SYN3: variants seen among roughly 807,000 people sequenced by gnomAD.
SYN3 encodes the protein synapsin-3.
A neutral mutation model predicts 65.8 loss-of-function variants in SYN3; 35 were observed. That is an observed-to-expected ratio of 0.53 (90% confidence interval 0.41 to 0.70). SYN3 has a LOEUF of 0.70. SYN3 is among the 30% of genes least tolerant of loss of function. SYN3 has a pLI of 0.00. For missense variants in SYN3, 680 were observed against 749.0 expected (o/e 0.91, Z 1.08); for synonymous variants, 270 against 292.9 (o/e 0.92, Z 0.80).
rs969439515 is a variant in SYN3, at chr22:33,007,973, A to T, written c.-162-1149T>A. 4.6e-5 allele frequency among the ~76,000 whole-genome samples: 7 copies of T among 150,966 alleles called. 1 individual carries two copies. The highest frequency in any genetic ancestry group is 3.9e-4 in the East Asian group (2 of 5,168). The stretch of plus-strand genomic sequence containing the variant: ...TTTTTTTGAAACGGGGTCTCACTTC[A>T]TCACCCAGCCTGGAGTGCAGTGGCA... On this transcript the variant is annotated intron_variant, in intron 1 of 13. Transcript: ENST00000358763.
intron 6 of SYN3, among the ~76,000 whole-genome samples, chr22:32,624,901 C>T: frequency 6.6e-6 from 1 of 152,210 alleles, no homozygotes; most frequent in Non-Finnish European, 1.5e-5. Flanking sequence ...AAGAGGATGT[C>T]ACTTGCTCAA....
chr22:32,951,106 T>A lies in SYN3; in HGVS notation c.370-19625A>T, dbSNP rs73162012. Among the ~76,000 whole-genome samples the A allele has an allele frequency of 7.0e-3, 1,063 of 152,266 alleles. 9 individuals are homozygous for A. The highest frequency in any genetic ancestry group is 0.035 in the South Asian group (167 of 4,816). On this transcript the variant is annotated intron_variant, in intron 3 of 13. Coordinates refer to ENST00000358763, the MANE Select transcript of SYN3 (RefSeq NM_003490.4). ...GCCAAAGACACTCATTCAAAAAGGA[T>A]AAACAATAGCAGTGATAATAAAAAG... is the stretch of plus-strand genomic sequence containing the variant.
rs561258876 is a variant in SYN3, at chr22:32,701,298, G to T, written c.712-104562C>A. ...CTCCCACTGATGCAATTACTTAACT[G>T]CTCATCAGAACAAAATCTAGTATTC... On this transcript the variant is annotated intron_variant, in intron 6 of 13. Transcript: ENST00000358763. 2.0e-4 allele frequency among the ~76,000 whole-genome samples: 31 copies of T among 152,250 alleles called. No individual in the cohort carries two copies. In the South Asian group the frequency reaches 6.0e-3, roughly 30 times the overall value.
At chr22:32,844,189 T>A (rs1351262080) in intron 6 of SYN3, among the ~76,000 whole-genome samples, 1 of 152,014 alleles carries the variant, frequency 6.6e-6, no homozygotes, top group Non-Finnish European at 1.5e-5. Flanking sequence ...CTGGATTTGG[T>A]TGACAATGGT....
At chr22:32,902,816 G>T (rs1569314662) in intron 4 of SYN3, among the ~76,000 whole-genome samples, 1 of 149,962 alleles carries the variant, frequency 6.7e-6, no homozygotes, top group Non-Finnish European at 1.5e-5. Context: ...ATCTGAATAT[G>T]TCTCAAGTCA....
Position 32,578,202 on chromosome 22 carries a change from C to T in SYN3, c.774+18472G>A, listed in dbSNP as rs569812927. Among the ~76,000 whole-genome samples the T allele has an allele frequency of 1.7e-4, 25 of 150,226 alleles. No individual in the cohort carries two copies. The East Asian group carries it at 4.7e-3, about 28-fold the overall frequency. On this transcript the variant is annotated intron_variant, in intron 7 of 13. Transcript: ENST00000358763. ...TTTCTTTCTCTTTCTTTCTTTCTCT[C>T]TCTTTCTTTTTCTTTCTTTCTTTTC...
intron 7 of SYN3, among the ~76,000 whole-genome samples, chr22:32,543,803 G>A (rs148959019): frequency 5.3e-5 from 8 of 152,276 alleles, no homozygotes; most frequent in East Asian, 1.9e-4. Context: ...AATCTTCCCC[G>A]TCCTTTTTCC....
intron 6 of SYN3, among the ~76,000 whole-genome samples, chr22:32,680,870 C>T (rs1246437000): frequency 1.3e-5 from 2 of 152,188 alleles, no homozygotes; most frequent in African/African-American, 4.8e-5. Context: ...CATCAAATGT[C>T]CCAGCTCCAG....
chr22:32,586,039 T>C (rs2059029922), intron 7 of SYN3, among the ~76,000 whole-genome samples: 1 of 102,100 alleles, frequency 9.8e-6, no homozygotes, highest in Non-Finnish European at 1.8e-5. Context: ...TGTATATATG[T>C]ATATGTATAT....
At chr22:32,893,079 T>C (rs1248269105) in intron 4 of SYN3, among the ~76,000 whole-genome samples, 1 of 152,150 alleles carries the variant, frequency 6.6e-6, no homozygotes, top group Admixed American at 6.6e-5. Context: ...CATGGTAGAA[T>C]AGAAAGAATC....
intron 6 of SYN3, among the ~76,000 whole-genome samples, chr22:32,627,542 T>C (rs188300796): frequency 6.6e-6 from 1 of 152,134 alleles, no homozygotes; most frequent in Non-Finnish European, 1.5e-5. Flanking sequence ...AGCTGAGACT[T>C]TGATACACAG....
At chr22:32,642,009 C>G (rs2710363) in intron 6 of SYN3, among the ~76,000 whole-genome samples, 87,384 of 151,796 alleles carry the variant, frequency 0.58, 27,498 homozygotes, top group African/African-American at 0.82. Flanking sequence ...CCGGTTAAGG[C>G]CCGGGTGCGG....
chr22:32,675,874 C>G (rs1363754909), intron 6 of SYN3, among the ~76,000 whole-genome samples: 2 of 152,134 alleles, frequency 1.3e-5, no homozygotes, highest in Non-Finnish European at 2.9e-5. Context: ...CCTAGGAGCC[C>G]CATGATGGCC....
chr22:32,872,930 T>A (rs2048887285), intron 4 of SYN3, among the ~76,000 whole-genome samples: 1 of 142,626 alleles, frequency 7.0e-6, no homozygotes, highest in Admixed American at 7.1e-5. Flanking sequence ...CAACGTGCCC[T>A]AAGCACTTTT....
intron 7 of SYN3, among the ~76,000 whole-genome samples, chr22:32,548,318 G>C (rs576767047): frequency 6.6e-6 from 1 of 152,240 alleles, no homozygotes; most frequent in African/African-American, 2.4e-5. Flanking sequence ...GCCTGGCAAA[G>C]TGCTGGGATT....
chr22:32,686,762 A>AT (rs1414618947), intron 6 of SYN3, among the ~76,000 whole-genome samples: 2 of 151,340 alleles, frequency 1.3e-5, no homozygotes, highest in Non-Finnish European at 1.5e-5. Flanking sequence ...CGTCCATCTA[A>AT]TTTTTTGTAT....
At chr22:32,821,307 A>C (rs2047240436) in intron 6 of SYN3, among the ~76,000 whole-genome samples, 1 of 152,206 alleles carries the variant, frequency 6.6e-6, no homozygotes, top group Non-Finnish European at 1.5e-5. Context: ...AGGGACTTTC[A>C]GTAAAGGCTG....
chr22:33,027,326 G>T (rs2053655023), intron 1 of SYN3, among the ~76,000 whole-genome samples: 1 of 152,120 alleles, frequency 6.6e-6, no homozygotes, highest in Admixed American at 6.5e-5. Context: ...GCCGGGCACG[G>T]TGACTCACGC....
chr22:32,907,860 A>G (rs1254496718), intron 4 of SYN3, among the ~76,000 whole-genome samples: 1 of 152,184 alleles, frequency 6.6e-6, no homozygotes, highest in Non-Finnish European at 1.5e-5. Context: ...ACTAACGATT[A>G]TAGAGGCTGA....
Sources: gnomAD v4.1 joint callset for allele counts (sites outside exome capture counted in the v4.1 genomes callset) on GRCh38, gnomAD v4.1.1 for gene constraint, MANE v1.5 for transcripts, NCBI Gene and HGNC (gene_info 2026-07-23, HGNC 2026-07-21) for gene names.